Variants in CTNND2 observed in about 807,000 individuals in gnomAD.
CTNND2 encodes catenin delta 2.
Under a neutral mutation model 144.4 loss-of-function variants are expected in CTNND2, and 22 were observed. The ratio of observed to expected loss-of-function variants is 0.15; its 90% CI spans 0.11 to 0.22. The LOEUF is 0.22. Ranked by LOEUF, CTNND2 falls within the 10% of genes least tolerant of loss-of-function variation. The pLI is 1.00. For synonymous variants in CTNND2, 751 were observed against 695.6 expected, an observed-to-expected ratio of 1.08 and a Z score of -1.25; for missense variants, 1,353 against 1,618.8, an observed-to-expected ratio of 0.84 and a Z score of 2.82.
At chr5:11,542,260 G>A (rs528736420) in intron 3 of CTNND2, among the ~76,000 whole-genome samples, 42 of 152,248 alleles carry the variant, frequency 2.8e-4, no homozygotes, top group Non-Finnish European at 3.7e-4. Context: ...TCTTTTCAAG[G>A]AAGGTTAGAA....
chr5:11,276,677 G>C (rs1048971435), intron 9 of CTNND2, among the ~76,000 whole-genome samples: 1 of 152,194 alleles, frequency 6.6e-6, no homozygotes, highest in African/African-American at 2.4e-5. Flanking sequence ...CAGTGCGTTT[G>C]CAAATGTAAT....
At chr5:11,074,639 T>A (rs952129518) in intron 16 of CTNND2, among the ~76,000 whole-genome samples, 1 of 152,174 alleles carries the variant, frequency 6.6e-6, no homozygotes, top group Non-Finnish European at 1.5e-5. Context: ...CAGGACAGTA[T>A]TGATATAACG....
At chr5:11,721,185 CATT>C (rs1786656978) in intron 2 of CTNND2, among the ~76,000 whole-genome samples, 2 of 152,156 alleles carry the variant, frequency 1.3e-5, no homozygotes, top group African/African-American at 4.8e-5. Flanking sequence ...AAACTTGAAA[CATT>C]ATGATAAGCA....
intron 1 of CTNND2, among the ~76,000 whole-genome samples, chr5:11,835,397 T>C (rs1259852378): frequency 6.6e-6 from 1 of 152,212 alleles, no homozygotes. Context: ...ATTTCATCTT[T>C]AAATATTTTG....
At chr5:11,400,286 AG>A (rs1230900551) in intron 5 of CTNND2, among the ~76,000 whole-genome samples, 17 of 152,200 alleles carry the variant, frequency 1.1e-4, no homozygotes, top group African/African-American at 3.9e-4. Context: ...CATTTCACCC[AG>A]GGAAACAGGC....
intron 9 of CTNND2, among the ~76,000 whole-genome samples, chr5:11,238,874 A>G (rs1001213398): frequency 6.6e-6 from 1 of 152,218 alleles, no homozygotes; most frequent in Admixed American, 6.5e-5. Flanking sequence ...TGATCACAGT[A>G]GAAAACAATC....
intron 19 of CTNND2, among the ~76,000 whole-genome samples, chr5:10,989,761 C>G (rs570981818): frequency 1.3e-5 from 2 of 152,320 alleles, no homozygotes; most frequent in African/African-American, 4.8e-5. Context: ...TGAACTTGTG[C>G]AGCTCTCAAT....
At chr5:11,902,439 C>T (rs1397941507) in intron 1 of CTNND2, among the ~76,000 whole-genome samples, 1 of 152,110 alleles carries the variant, frequency 6.6e-6, no homozygotes, top group Admixed American at 6.5e-5. Context: ...GGTGCAGCCC[C>T]GAAGCCTTGT....
At chr5:11,184,563 G>C (rs948506550) in intron 11 of CTNND2, among the ~76,000 whole-genome samples, 1 of 152,186 alleles carries the variant, frequency 6.6e-6, no homozygotes, top group African/African-American at 2.4e-5. Context: ...TGTACTTGAA[G>C]TACTGAATGC....
intron 7 of CTNND2, among the ~76,000 whole-genome samples, chr5:11,383,732 T>G (rs1015529255): frequency 1.6e-4 from 25 of 152,230 alleles, no homozygotes; most frequent in Admixed American, 1.3e-3. Context: ...ACAGCATCTG[T>G]TACTAGAGTG....
chr5:11,098,939 G>A (rs1751616351), intron 14 of CTNND2, among the ~76,000 whole-genome samples, 191 bp from the exon 15 acceptor site: 1 of 152,202 alleles, frequency 6.6e-6, no homozygotes, highest in South Asian at 2.1e-4. Context: ...CCCAGCGAGA[G>A]CTTGGGATCG....
intron 12 of CTNND2, among the ~76,000 whole-genome samples, chr5:11,120,303 G>C (rs1372181660): frequency 6.7e-6 from 1 of 149,250 alleles, no homozygotes; most frequent in Non-Finnish European, 1.5e-5. Context: ...CTTCAAGAGG[G>C]GGTTATCATA....
At chr5:11,740,694 T>C (rs1009762438) in intron 1 of CTNND2, among the ~76,000 whole-genome samples, 16 of 151,750 alleles carry the variant, frequency 1.1e-4, no homozygotes. Context: ...ACAAATGAGA[T>C]CTAATTAAAA....
At chr5:11,791,697 C>T (rs1010927978) in intron 1 of CTNND2, among the ~76,000 whole-genome samples, 1 of 152,116 alleles carries the variant, frequency 6.6e-6, no homozygotes, top group Non-Finnish European at 1.5e-5. Flanking sequence ...AAGTGGTTCA[C>T]GAAAACGAAT....
At chr5:11,195,166 A>AT (rs1561003115) in intron 11 of CTNND2, among the ~76,000 whole-genome samples, 1 of 152,156 alleles carries the variant, frequency 6.6e-6, no homozygotes, top group East Asian at 1.9e-4. Context: ...ATGTTCAACG[A>AT]TTTTTTTAAA....
intron 12 of CTNND2, among the ~76,000 whole-genome samples, chr5:11,129,266 TATAA>T (rs1287929460): frequency 8.0e-5 from 6 of 75,022 alleles, no homozygotes; most frequent in Non-Finnish European, 1.5e-4. Context: ...AATATAAATA[TATAA>T]ATATATATTA....
intron 10 of CTNND2, among the ~76,000 whole-genome samples, chr5:11,223,555 C>T (rs182389381): frequency 2.0e-4 from 31 of 152,320 alleles, no homozygotes; most frequent in Admixed American, 2.0e-3. Context: ...GAGGTCTCTA[C>T]TGCCCCTAGA....
intron 10 of CTNND2, among the ~76,000 whole-genome samples, chr5:11,229,415 G>A (rs1170577245): frequency 6.6e-6 from 1 of 152,094 alleles, no homozygotes; most frequent in Admixed American, 6.5e-5. Flanking sequence ...CCAGCTACTT[G>A]AGAGGTTAAG....
At chr5:11,707,039 TCAC>T (rs1379151327) in intron 2 of CTNND2, among the ~76,000 whole-genome samples, 2 of 147,858 alleles carry the variant, frequency 1.4e-5, no homozygotes, top group Non-Finnish European at 3.0e-5. Flanking sequence ...TGAGCCGAGA[TCAC>T]GCCACTGCAC....
Sources: allele counts gnomAD v4.1 joint callset (sites outside exome capture counted in the v4.1 genomes callset), GRCh38; gene constraint gnomAD v4.1.1; transcripts MANE v1.5; gene names NCBI Gene and HGNC (gene_info 2026-07-23, HGNC 2026-07-21).